Variants in ANO6 observed in about 807,000 individuals in gnomAD.
ANO6 encodes anoctamin-6.
In ANO6, 106 loss-of-function variants were observed where a neutral mutation model predicts 117.5. The observed-to-expected ratio is 0.90, with a 90% CI of 0.77 to 1.06. The LOEUF is 1.06. ANO6 is among the 50% of genes least tolerant of loss of function. ANO6 has a pLI of 0.00. For synonymous variants in ANO6, 367 were observed against 385.1 expected, an observed-to-expected ratio of 0.95 and a Z score of 0.55; for missense variants, 955 against 1,121.1, an observed-to-expected ratio of 0.85 and a Z score of 2.12.
chr12:45,221,818 A>G (rs538705251), intron 1 of ANO6, among the ~76,000 whole-genome samples: 1 of 151,512 alleles, frequency 6.6e-6, no homozygotes, highest in East Asian at 1.9e-4. Context: ...TTCTGTTCCA[A>G]CTAGTCTTTT....
chr12:45,381,636 G>A (rs12231770), intron 10 of ANO6, among the ~76,000 whole-genome samples: 8,362 of 152,158 alleles, frequency 0.055, 474 homozygotes, highest in East Asian at 0.32. Flanking sequence ...CTCACCTGTC[G>A]CTGCAATTCC....
intron 19 of ANO6, among the ~76,000 whole-genome samples, chr12:45,425,550 G>A (rs1293023957): frequency 6.6e-6 from 1 of 152,184 alleles, no homozygotes; most frequent in African/African-American, 2.4e-5. Flanking sequence ...CTTTTCAACA[G>A]TAACAACGGA....
chr12:45,221,059 T>TGGGGGG (rs35401353), intron 1 of ANO6, among the ~76,000 whole-genome samples: 2 of 149,208 alleles, frequency 1.3e-5, no homozygotes, highest in African/African-American at 5.0e-5. Flanking sequence ...GTGTCGGAAG[T>TGGGGGG]GGGGGGGGGC....
rs755882956 is a variant in ANO6 at position 45,416,770 on chromosome 12, A to G, written c.2083A>G (p.Asn695Asp). The change falls in exon 17 of 20, where the codon AAT becomes GAT. Residue 695 changes from asparagine (N) to aspartate (D), a missense_variant. By Grantham distance (23) the Asn-to-Asp change is conservative. Transcript: ENST00000320560. Reference sequence around the variant, plus strand: ...GGCCCCTCTGTTGGCTCTCGTGAACAATATATTGGAAATAAGAGTGGACGC... The same window carrying G: ...GGCCCCTCTGTTGGCTCTCGTGAACGATATATTGGAAATAAGAGTGGACGC... Reference protein sequence around the residue: ...PLAPLLALVNNILEIRVDAWK... With the variant: ...PLAPLLALVNDILEIRVDAWK... The G allele has an allele frequency of 3.1e-6, 5 of 1,614,126 alleles. No individual in the cohort carries two copies. Among genetic ancestry groups the G allele is most frequent in the Non-Finnish European group, 2.5e-6 (3 of 1,180,010 alleles).
chr12:45,401,756 T>G (rs1392384601), intron 12 of ANO6, 39 bp from the exon 13 acceptor site: 1 of 1,516,676 alleles, frequency 6.6e-7, no homozygotes, highest in South Asian at 1.1e-5. Context: ...AGTGCAGTTA[T>G]TGGTGAGTCT....
rs76963647 is a variant in ANO6 at position 45,348,087 on chromosome 12, G to T, written c.405G>T (p.Thr135=). Reference sequence around the variant, plus strand: ...ACGCACCATGGGAGGTGTTATGTACGTATGCTGAGATAATGCACATCAAAT... The same window carrying T: ...ACGCACCATGGGAGGTGTTATGTACTTATGCTGAGATAATGCACATCAAAT... ...KVHAPWEVLC[T]YAEIMHIKLP... Residue 135 remains threonine (T), a synonymous_variant, in exon 5 of 20, where the codon ACG becomes ACT. Transcript: ENST00000320560. 1.9e-6 allele frequency: 3 copies of T among 1,613,850 alleles called. No individual in the cohort carries two copies. The highest frequency in any genetic ancestry group is 2.5e-6 in the Non-Finnish European group (3 of 1,179,916).
At chr12:45,335,354 A>T (rs1307121233) in intron 3 of ANO6, among the ~76,000 whole-genome samples, 1 of 152,008 alleles carries the variant, frequency 6.6e-6, no homozygotes, top group African/African-American at 2.4e-5. Context: ...ATTGTTTTGG[A>T]TTAATCATCA....
intron 1 of ANO6, among the ~76,000 whole-genome samples, chr12:45,219,284 G>T (rs1441194456): frequency 1.3e-5 from 2 of 152,210 alleles, no homozygotes; most frequent in African/African-American, 4.8e-5. Flanking sequence ...CTGGAATTTA[G>T]AGCCTTTTAA....
In ANO6 at chr12:45,331,346, A is replaced by G. The variant is rs1272829504; in HGVS notation, c.202A>G (p.Arg68Gly). The change falls in exon 3 of 20, where the codon AGA becomes GGA. Residue 68 changes from arginine (R) to glycine (G), a missense_variant. Arg to Gly is a moderately radical substitution (Grantham distance 125). Transcript: ENST00000320560. The part of the protein sequence containing the change: ...DSLFFNDGQR[R>G]IDFVLVYEDE... ...CCTCTTTTTTAATGATGGCCAGCGA[A>G]GAATTGACTTTGTTCTAGTATATGA... 10 of 1,610,278 alleles carry G rather than the reference A, an allele frequency of 6.2e-6. No individual in the cohort carries two copies. In the Admixed American group the frequency reaches 1.7e-4, roughly 27 times the overall value.
At chr12:45,275,117 T>G (rs946443157) in intron 1 of ANO6, among the ~76,000 whole-genome samples, 2 of 152,126 alleles carry the variant, frequency 1.3e-5, no homozygotes, top group South Asian at 4.2e-4. Flanking sequence ...CTGGAATCCC[T>G]GTGTTAAAAA....
chr12:45,235,947 C>A (rs931205122), intron 1 of ANO6, among the ~76,000 whole-genome samples: 1 of 152,194 alleles, frequency 6.6e-6, no homozygotes, highest in African/African-American at 2.4e-5. Context: ...CAGGCAGCCT[C>A]CAGTGCCCCT....
At chr12:45,404,616 A>G (rs772595671) in intron 15 of ANO6, among the ~76,000 whole-genome samples, 6 of 152,002 alleles carry the variant, frequency 3.9e-5, no homozygotes, top group Non-Finnish European at 8.8e-5. Context: ...TCTTAAAGCC[A>G]GCAAAGTTTC....
intron 1 of ANO6, among the ~76,000 whole-genome samples, chr12:45,235,775 C>T (rs977997288): frequency 2.0e-5 from 3 of 152,184 alleles, no homozygotes; most frequent in Admixed American, 6.5e-5. Context: ...GAGAACTACT[C>T]CTGGCTTTTT....
In ANO6 at chr12:45,430,434, C is replaced by G; in HGVS notation, c.*1123C>G. ...GCAGGAATTGGCTTATTTCTGTATG[C>G]CAAAGTGATCAACACACCAAAGTCT... On this transcript the variant is annotated 3_prime_UTR_variant, in exon 20 of 20. Coordinates refer to ENST00000320560, the MANE Select transcript of ANO6 (RefSeq NM_001025356.3). 1.0e-6 allele frequency: 1 copy of G among 985,310 alleles called. No individual in the cohort carries two copies. Among genetic ancestry groups the G allele is most frequent in the Non-Finnish European group, 1.2e-6 (1 of 829,916 alleles). 61.0% of individuals were successfully genotyped at this position (985,310 alleles called of 1,614,324 possible).
At chr12:45,410,612 A>G (rs1943062730) in intron 16 of ANO6, among the ~76,000 whole-genome samples, 2 of 152,246 alleles carry the variant, frequency 1.3e-5, no homozygotes, top group South Asian at 4.2e-4. Flanking sequence ...CCTTTCAGCT[A>G]ACCATTGCAT....
chr12:45,432,041 G>A lies in ANO6; in HGVS notation c.*2730G>A. The A allele has an allele frequency of 2.0e-6, 2 of 985,238 alleles. No homozygotes were observed. Among genetic ancestry groups the A allele is most frequent in the Non-Finnish European group, 2.4e-6 (2 of 829,848 alleles). 61.0% of individuals were successfully genotyped at this position (985,238 alleles called of 1,614,324 possible). A position where few individuals can be genotyped will look rare whatever the true frequency, so the allele number is the denominator to read the frequency against. On this transcript the variant is annotated 3_prime_UTR_variant, in exon 20 of 20. Transcript: ENST00000320560. The stretch of plus-strand genomic sequence containing the variant: ...TCACCAAAGTCTTCCCTTTTTTATT[G>A]CATGTGTGCCTTGAATTTCATAAAA...
intron 1 of ANO6, among the ~76,000 whole-genome samples, chr12:45,299,240 T>G (rs1271837988): frequency 6.6e-6 from 1 of 152,186 alleles, no homozygotes. Flanking sequence ...CTTGGACAAC[T>G]GTTGTACTGG....
At chr12:45,369,404 C>T (rs556981320) in intron 9 of ANO6, among the ~76,000 whole-genome samples, 42 of 152,078 alleles carry the variant, frequency 2.8e-4, no homozygotes, top group African/African-American at 6.5e-4. Flanking sequence ...GAAGTTCTCT[C>T]GACACTCCCC....
At chr12:45,306,861 G>T (rs889721621) in intron 2 of ANO6, among the ~76,000 whole-genome samples, 2 of 152,014 alleles carry the variant, frequency 1.3e-5, no homozygotes, top group African/African-American at 4.8e-5. Context: ...GTTTTAAATA[G>T]GGTGTTTAGG....
Sources: gnomAD v4.1 joint callset for allele counts (sites outside exome capture counted in the v4.1 genomes callset) on GRCh38, gnomAD v4.1.1 for gene constraint, MANE v1.5 for transcripts, NCBI Gene and HGNC (gene_info 2026-07-23, HGNC 2026-07-21) for gene names.